The following PDE8A variants were observed in gnomAD, a reference collection of about 807,000 sequenced individuals.
PDE8A encodes the protein phosphodiesterase 8A, also known as high affinity cAMP-specific and IBMX-insensitive 3',5'-cyclic phosphodiesterase 8A.
In PDE8A, 59 loss-of-function variants were observed where a neutral mutation model predicts 105.0. The ratio of observed to expected loss-of-function variants is 0.56; its 90% CI spans 0.46 to 0.70. The LOEUF is 0.70. Ranked by LOEUF, PDE8A falls within the 30% of genes least tolerant of loss-of-function variation. The pLI is 0.00. For synonymous variants in PDE8A, 355 were observed against 371.9 expected, an observed-to-expected ratio of 0.95 and a Z score of 0.52; for missense variants, 1,014 against 1,045.9, an observed-to-expected ratio of 0.97 and a Z score of 0.42.
intron 12 of PDE8A, among the ~76,000 whole-genome samples, chr15:85,112,503 T>C (rs997865786): frequency 7.2e-5 from 11 of 152,200 alleles, no homozygotes; most frequent in African/African-American, 2.4e-4. Flanking sequence ...AAATGGAAAG[T>C]TGGCAATCCT....
chr15:85,106,011 T>G (rs1319983259), intron 11 of PDE8A, among the ~76,000 whole-genome samples: 1 of 152,180 alleles, frequency 6.6e-6, no homozygotes, highest in Non-Finnish European at 1.5e-5. Flanking sequence ...CTACAGGGAC[T>G]AGGGGAGCAG....
At chr15:85,037,625 G>A (rs140599550) in intron 1 of PDE8A, among the ~76,000 whole-genome samples, 1 of 152,270 alleles carries the variant, frequency 6.6e-6, no homozygotes, top group East Asian at 1.9e-4. Flanking sequence ...TGTATATCCT[G>A]TAGAAATATG....
At position 85,117,637 on chromosome 15, in the gene PDE8A, A is replaced by T; in HGVS notation, c.1536-4A>T. 2.5e-6 allele frequency: 4 copies of T among 1,612,348 alleles called. No individual in the cohort carries two copies. Among genetic ancestry groups the T allele is most frequent in the Non-Finnish European group, 3.4e-6 (4 of 1,178,404 alleles). ...TAATATTGTGGGGTTTTTTCTGTCT[A>T]TAGGCCTTTGATTTATCTTGGTCTC... On this transcript the variant is annotated splice_region_variant and splice_polypyrimidine_tract_variant and intron_variant, in intron 16 of 21. Coordinates refer to ENST00000394553, the MANE Select transcript of PDE8A (RefSeq NM_002605.3).
intron 1 of PDE8A, among the ~76,000 whole-genome samples, chr15:84,997,783 C>T (rs62021183): frequency 0.057 from 8,625 of 151,846 alleles, 284 homozygotes; most frequent in African/African-American, 0.096. Context: ...TTAGTAGAGA[C>T]GGGGTTTCTC....
chr15:85,038,296 G>A (rs1263395232), intron 1 of PDE8A, among the ~76,000 whole-genome samples: 2 of 151,598 alleles, frequency 1.3e-5, no homozygotes, highest in Non-Finnish European at 2.9e-5. Context: ...GTGGGTATGA[G>A]CTCTTTGTCA....
In PDE8A at chr15:85,051,323, G is replaced by A. The variant is rs140936735; in HGVS notation, c.187-13047G>A. Among the ~76,000 whole-genome samples, 476 of 151,876 alleles carry A rather than the reference G, an allele frequency of 3.1e-3. 3 individuals are homozygous for A. The highest frequency in any genetic ancestry group is 0.011 in the African/African-American group (444 of 41,392). Reference sequence around the variant, plus strand: ...TTTCTTTTTCTTACCTAATTGCTCCGGCTAGGACTTTCTATGTTGAATAGA... The same window carrying A: ...TTTCTTTTTCTTACCTAATTGCTCCAGCTAGGACTTTCTATGTTGAATAGA... On this transcript the variant is annotated intron_variant, in intron 1 of 21. Transcript: ENST00000394553.
intron 18 of PDE8A, among the ~76,000 whole-genome samples, chr15:85,122,151 C>T (rs866583936): frequency 4.4e-4 from 67 of 152,132 alleles, no homozygotes; most frequent in African/African-American, 1.3e-3. Context: ...TCTAATTATT[C>T]AATCCCAGAT....
chr15:85,076,755 G>T lies in PDE8A; in HGVS notation c.514G>T (p.Val172Leu). The T allele has an allele frequency of 6.3e-7, 1 of 1,596,982 alleles. No homozygotes were observed. Among genetic ancestry groups the T allele is most frequent in the South Asian group, 1.1e-5 (1 of 90,738 alleles). Reference sequence around the variant, plus strand: ...AAGGGTGGATAGAGAAGAGTTGTCCGTAATGCCTTTCATTTCTGCTGGATT... The same window carrying T: ...AAGGGTGGATAGAGAAGAGTTGTCCTTAATGCCTTTCATTTCTGCTGGATT... ...VRRVDREELS[V>L]MPFISAGFTR... The change falls in exon 5 of 22, where the codon GTA becomes TTA. Residue 172 changes from valine to leucine, a missense_variant. Transcript: ENST00000394553.
At chr15:85,075,751 T>C (rs1189711030) in intron 3 of PDE8A, 111 bp from the exon 4 acceptor site, 1 of 591,688 alleles carries the variant, frequency 1.7e-6, no homozygotes, top group African/African-American at 1.9e-5. Context: ...AGGGGATCAT[T>C]TACTCTCCCT....
At chr15:85,108,793 C>T (rs1046939868) in intron 11 of PDE8A, among the ~76,000 whole-genome samples, 3 of 152,060 alleles carry the variant, frequency 2.0e-5, no homozygotes, top group Admixed American at 2.0e-4. Flanking sequence ...TATCAGTTGT[C>T]ACTTTATGTC....
In PDE8A at chr15:85,067,112, G is replaced by A. The variant is rs2081241737; in HGVS notation, c.342G>A (p.Gln114=). ...AGTGTACAGTTACCAAGGAGGCTCA[G>A]GCTGTCCTTGCCTGTTTCCTGGACA... ...GFKCTVTKEA[Q]AVLACFLDKH... Residue 114 remains glutamine (Q), a synonymous_variant, in exon 3 of 22, where the codon CAG becomes CAA. Coordinates refer to ENST00000394553, the MANE Select transcript of PDE8A (RefSeq NM_002605.3). 2.5e-6 allele frequency: 4 copies of A among 1,613,904 alleles called. No homozygotes were observed. The highest frequency in any genetic ancestry group is 1.7e-5 in the Admixed American group (1 of 60,012).
chr15:85,117,830 G>A lies in PDE8A; in HGVS notation c.1725G>A (p.Glu575=), dbSNP rs1164015369. Reference sequence around the variant, plus strand: ...CCACTGCCTATTTTCTCTCCAAGGAGAGGATAAAGGTGAGCTGTTGTTTAC... The same window carrying A: ...CCACTGCCTATTTTCTCTCCAAGGAAAGGATAAAGGTGAGCTGTTGTTTAC... ...LHATAYFLSK[E]RIKETLDPID... The change falls in exon 17 of 22, where the codon GAG becomes GAA. Residue 575 remains glutamate (E), a synonymous_variant. Transcript: ENST00000394553. 1 of 1,613,176 alleles carries A rather than the reference G, an allele frequency of 6.2e-7. No homozygotes were observed. Among genetic ancestry groups the A allele is most frequent in the Non-Finnish European group, 8.5e-7 (1 of 1,179,362 alleles).
At chr15:85,014,853 A>G (rs1194831891) in intron 1 of PDE8A, among the ~76,000 whole-genome samples, 1 of 152,174 alleles carries the variant, frequency 6.6e-6, no homozygotes, top group Non-Finnish European at 1.5e-5. Flanking sequence ...TTGTGCAACC[A>G]TTACCACTAA....
In PDE8A at chr15:85,052,065, A is replaced by G. The variant is rs186255757; in HGVS notation, c.187-12305A>G. Among the ~76,000 whole-genome samples the G allele has an allele frequency of 2.9e-3, 444 of 151,702 alleles. 1 individual carries two copies. Among genetic ancestry groups the G allele is most frequent in the African/African-American group, 5.3e-3 (221 of 41,364 alleles). ...TCAATTCCCACCTATGAGTGAGAAC[A>G]TGCAGTGTTTGGTTTTCTGTCCTTG... On this transcript the variant is annotated intron_variant, in intron 1 of 21. Transcript: ENST00000394553.
intron 5 of PDE8A, among the ~76,000 whole-genome samples, chr15:85,078,196 A>G (rs1370080498): frequency 2.0e-5 from 3 of 151,972 alleles, no homozygotes; most frequent in African/African-American, 7.2e-5. Context: ...GTAAAAGATT[A>G]CCTTCAAAAG....
At chr15:84,999,706 C>T (rs1030478121) in intron 1 of PDE8A, among the ~76,000 whole-genome samples, 1 of 152,168 alleles carries the variant, frequency 6.6e-6, no homozygotes, top group Non-Finnish European at 1.5e-5. Flanking sequence ...TCCTGAGCAG[C>T]TAGGACTACT....
At chr15:84,999,332 G>C (rs866714409) in intron 1 of PDE8A, among the ~76,000 whole-genome samples, 1 of 152,102 alleles carries the variant, frequency 6.6e-6, no homozygotes, top group Non-Finnish European at 1.5e-5. Flanking sequence ...TGTTGGCCAG[G>C]CCTGGTCTTT....
At position 85,137,901 on chromosome 15, in the gene PDE8A, T is replaced by C. The variant is rs747028074; in HGVS notation, c.2488T>C (p.Ter830GlnextTer31). 1 of 1,580,266 alleles carries C rather than the reference T, an allele frequency of 6.3e-7. No homozygotes were observed. Among genetic ancestry groups the C allele is most frequent in the South Asian group, 1.1e-5 (1 of 90,318 alleles). Residue 830 changes from the stop codon to glutamine (Q), a stop_lost, in exon 22 of 22, where the codon TAG (stop) becomes CAG (glutamine). Transcript: ENST00000394553. ...GCGGAACCTCCGACCACCTCCTGAATAGTGGGAGACACCACCCAGAGCCCT... is the reference window on the plus strand; with the variant it reads ...GCGGAACCTCCGACCACCTCCTGAACAGTGGGAGACACCACCCAGAGCCCT... ...KLRNLRPPPE* is the reference protein window; with the variant it reads ...KLRNLRPPPEQ
intron 1 of PDE8A, among the ~76,000 whole-genome samples, chr15:85,061,537 G>C (rs1213148729): frequency 6.6e-6 from 1 of 152,090 alleles, no homozygotes; most frequent in African/African-American, 2.4e-5. Context: ...ACCACGCCCA[G>C]TTCTTGCTGC....
Sources: allele counts gnomAD v4.1 joint callset (sites outside exome capture counted in the v4.1 genomes callset), GRCh38; gene constraint gnomAD v4.1.1; transcripts MANE v1.5; gene names NCBI Gene and HGNC (gene_info 2026-07-23, HGNC 2026-07-21).